The following GALNT13 variants were observed in gnomAD, a reference collection of about 807,000 sequenced individuals.
GALNT13 encodes UDP-GalNAc:polypeptide N-acetylgalactosaminyltransferase 13.
In GALNT13, 28 loss-of-function variants were observed where a neutral mutation model predicts 64.2. The observed-to-expected ratio is 0.44, with a 90% CI of 0.32 to 0.60. The LOEUF (loss-of-function observed/expected upper bound fraction) is 0.60, where lower values mean the gene tolerates loss of function less well. Ranked by LOEUF, GALNT13 falls within the 20% of genes least tolerant of loss-of-function variation. GALNT13 has a pLI of 0.05. For missense variants in GALNT13, 577 were observed against 669.8 expected (o/e 0.86, Z 1.53); for synonymous variants, 214 against 224.6 (o/e 0.95, Z 0.42).
chr2:153,143,042 G>A, the GALNT13 span, among the ~76,000 whole-genome samples: 1 of 151,874 alleles, frequency 6.6e-6, no homozygotes, highest in South Asian at 2.1e-4. Context: ...GAATGGAGAG[G>A]TAATCCCAGC....
chr2:153,345,695 CTT>C, the GALNT13 span, among the ~76,000 whole-genome samples: 1,128 of 119,828 alleles, frequency 9.4e-3, 10 homozygotes, highest in Non-Finnish European at 0.012. Flanking sequence ...TTCTTTCTTT[CTT>C]TCTTTCTCTT....
At chr2:154,162,198 G>A (rs930800494) in intron 4 of GALNT13, among the ~76,000 whole-genome samples, 16 of 152,300 alleles carry the variant, frequency 1.1e-4, no homozygotes, top group African/African-American at 3.6e-4. Flanking sequence ...ACACTGGAAT[G>A]TGGTAAAAAA....
the GALNT13 span, among the ~76,000 whole-genome samples, chr2:153,414,451 T>C: frequency 6.6e-6 from 1 of 151,030 alleles, no homozygotes. Flanking sequence ...ATGGTGAGCA[T>C]CTGCGTTAGA....
chr2:153,817,398 A>T, the GALNT13 span, among the ~76,000 whole-genome samples: 1 of 152,180 alleles, frequency 6.6e-6, no homozygotes, highest in African/African-American at 2.4e-5. Flanking sequence ...TTCACCCTTG[A>T]TATCTGATCA....
At chr2:153,098,397 CCT>C in the GALNT13 span, among the ~76,000 whole-genome samples, 5 of 152,148 alleles carry the variant, frequency 3.3e-5, no homozygotes, top group South Asian at 1.0e-3. Flanking sequence ...GCTATCACAA[CCT>C]CTCTTTTCCT....
At chr2:154,384,500 A>T (rs1698415571) in intron 9 of GALNT13, among the ~76,000 whole-genome samples, 1 of 151,908 alleles carries the variant, frequency 6.6e-6, no homozygotes, top group South Asian at 2.1e-4. Flanking sequence ...CTAAGAAAAA[A>T]TTGTTTAAAC....
chr2:153,359,061 A>G, the GALNT13 span, among the ~76,000 whole-genome samples: 1 of 150,664 alleles, frequency 6.6e-6, no homozygotes, highest in Non-Finnish European at 1.5e-5. Flanking sequence ...TAATGCATGT[A>G]AATTAGTTCA....
At chr2:153,925,869 G>T (rs915238347) in intron 2 of GALNT13, among the ~76,000 whole-genome samples, 2 of 152,020 alleles carry the variant, frequency 1.3e-5, no homozygotes, top group Admixed American at 6.6e-5. Flanking sequence ...TGTTGTTGGT[G>T]TATAGGAATG....
the GALNT13 span, among the ~76,000 whole-genome samples, chr2:153,079,118 G>A: frequency 9.2e-5 from 14 of 152,122 alleles, no homozygotes; most frequent in Non-Finnish European, 2.1e-4. Context: ...CTATGAGTAT[G>A]TTTGTCATAC....
intron 9 of GALNT13, among the ~76,000 whole-genome samples, chr2:154,355,062 T>C (rs1203414695): frequency 1.3e-5 from 2 of 152,086 alleles, no homozygotes; most frequent in South Asian, 2.1e-4. Flanking sequence ...TGGACTGATT[T>C]TGGCCTTACA....
At chr2:153,157,311 C>CT in the GALNT13 span, among the ~76,000 whole-genome samples, 1 of 152,168 alleles carries the variant, frequency 6.6e-6, no homozygotes, top group Non-Finnish European at 1.5e-5. Flanking sequence ...AAGCCACTGT[C>CT]TCTGCATGTG....
the GALNT13 span, among the ~76,000 whole-genome samples, chr2:153,645,910 TA>T: frequency 6.6e-6 from 1 of 152,122 alleles, no homozygotes; most frequent in Non-Finnish European, 1.5e-5. Flanking sequence ...CCCATTCTAG[TA>T]TTTTACACAA....
chr2:153,646,641 T>G, the GALNT13 span, among the ~76,000 whole-genome samples: 1 of 151,942 alleles, frequency 6.6e-6, no homozygotes, highest in Non-Finnish European at 1.5e-5. Flanking sequence ...GGCCCCGGTG[T>G]GCGATGTTCC....
chr2:154,233,131 A>T (rs894542509), intron 4 of GALNT13, among the ~76,000 whole-genome samples: 2 of 152,124 alleles, frequency 1.3e-5, no homozygotes, highest in African/African-American at 4.8e-5. Flanking sequence ...TTAACGCCAC[A>T]AAAGACCACC....
At chr2:153,283,509 A>C in the GALNT13 span, among the ~76,000 whole-genome samples, 1 of 152,100 alleles carries the variant, frequency 6.6e-6, no homozygotes, top group African/African-American at 2.4e-5. Flanking sequence ...TGATCTCTTC[A>C]CTGGAAGAGT....
chr2:153,884,172 A>G (rs988929424), intron 1 of GALNT13, among the ~76,000 whole-genome samples: 2 of 152,094 alleles, frequency 1.3e-5, no homozygotes, highest in Admixed American at 6.6e-5. Flanking sequence ...TAATGACTAC[A>G]TTAGGAGGAA....
At chr2:153,814,294 A>G in the GALNT13 span, among the ~76,000 whole-genome samples, 3 of 151,804 alleles carry the variant, frequency 2.0e-5, no homozygotes, top group Admixed American at 6.6e-5. Context: ...CAAAAAATTA[A>G]CTGGGCGCGG....
chr2:153,449,026 CTTT>C, the GALNT13 span, among the ~76,000 whole-genome samples: 1 of 152,016 alleles, frequency 6.6e-6, no homozygotes, highest in Non-Finnish European at 1.5e-5. Context: ...CCCTGTCTCT[CTTT>C]ATCTCTTTGT....
At chr2:154,325,748 CTAGA>C (rs916875334) in intron 9 of GALNT13, among the ~76,000 whole-genome samples, 17 of 150,790 alleles carry the variant, frequency 1.1e-4, no homozygotes, top group African/African-American at 4.2e-4. Context: ...ATTTTTAAAA[CTAGA>C]TACTTTTATT....
Sources: allele counts gnomAD v4.1 joint callset (sites outside exome capture counted in the v4.1 genomes callset), GRCh38; gene constraint gnomAD v4.1.1; transcripts MANE v1.5; gene names NCBI Gene and HGNC (gene_info 2026-07-23, HGNC 2026-07-21).